The following FER1L6 variants were observed in gnomAD, a reference collection of about 807,000 sequenced individuals.
The protein encoded by FER1L6 is fer-1-like protein 6.
In FER1L6, 177 loss-of-function variants were observed where a neutral mutation model predicts 219.2. The ratio of observed to expected loss-of-function variants is 0.81; its 90% CI spans 0.71 to 0.91. FER1L6 has a LOEUF of 0.91. Among genes scored for constraint, FER1L6 ranks in the 40% least tolerant of loss-of-function variants. The pLI is 0.00. For synonymous variants in FER1L6, 768 were observed against 824.3 expected (o/e 0.93, Z 1.17); for missense variants, 2,153 against 2,259.9 (o/e 0.95, Z 0.96).
At chr8:124,000,816 C>T (rs1344649977) in intron 12 of FER1L6, among the ~76,000 whole-genome samples, 1 of 152,150 alleles carries the variant, frequency 6.6e-6, no homozygotes, top group Non-Finnish European at 1.5e-5. Context: ...TGAAATACAT[C>T]CCTTTTAAGC....
chr8:123,875,200 A>G (rs1056756808), intron 1 of FER1L6, among the ~76,000 whole-genome samples: 1 of 152,178 alleles, frequency 6.6e-6, no homozygotes, highest in Non-Finnish European at 1.5e-5. Flanking sequence ...GTCTAAAAAA[A>G]AACAATCAAA....
At chr8:123,861,174 G>T (rs1008100018) in intron 1 of FER1L6, among the ~76,000 whole-genome samples, 2 of 125,774 alleles carry the variant, frequency 1.6e-5, no homozygotes, top group African/African-American at 6.8e-5. Flanking sequence ...TGTAAGGAAG[G>T]GATCCAGTTT....
Position 124,071,617 on chromosome 8 carries a change from G to C in FER1L6, c.4078G>C (p.Val1360Leu), listed in dbSNP as rs567005829. ...PNHPVTVLIR[V>L]YIVAAFNLSP... ...TCACCCTGTCACAGTGCTGATCAGA[G>C]TATACATTGTCGCGGTGAGCCATTC... Residue 1360 changes from valine (V) to leucine (L), a missense_variant, in exon 31 of 41, where the codon GTA becomes CTA. Coordinates refer to ENST00000522917, the MANE Select transcript of FER1L6 (RefSeq NM_001039112.2). The C allele has an allele frequency of 4.3e-6, 7 of 1,613,588 alleles. No homozygotes were observed. The African/African-American group carries it at 8.0e-5, about 18-fold the overall frequency.
chr8:123,967,081 CAAAAA>C (rs34800682), intron 5 of FER1L6, among the ~76,000 whole-genome samples: 2 of 92,352 alleles, frequency 2.2e-5, no homozygotes, highest in Admixed American at 2.3e-4. Flanking sequence ...GACTCCACCT[CAAAAA>C]AAAAAAAAAA....
chr8:123,913,299 C>T (rs546033466), intron 1 of FER1L6, among the ~76,000 whole-genome samples: 12 of 152,006 alleles, frequency 7.9e-5, no homozygotes, highest in Non-Finnish European at 1.2e-4. Context: ...GAAAAACTTA[C>T]GTAATTATTT....
chr8:123,991,476 G>T (rs1816850548), intron 12 of FER1L6, among the ~76,000 whole-genome samples: 1 of 151,968 alleles, frequency 6.6e-6, no homozygotes. Context: ...TATTGTAAAA[G>T]GGATTGTGTT....
intron 1 of FER1L6, among the ~76,000 whole-genome samples, chr8:123,905,010 C>T (rs1812925423): frequency 6.6e-6 from 1 of 152,160 alleles, no homozygotes; most frequent in African/African-American, 2.4e-5. Flanking sequence ...CCAGCACACC[C>T]CTGAAGACAT....
intron 1 of FER1L6, among the ~76,000 whole-genome samples, chr8:123,934,948 G>A (rs1813925444): frequency 6.6e-6 from 1 of 152,160 alleles, no homozygotes. Flanking sequence ...ATGATTGTAA[G>A]TTTCCTGAGG....
chr8:124,078,805 C>T (rs535170340), intron 32 of FER1L6, among the ~76,000 whole-genome samples: 11 of 151,614 alleles, frequency 7.3e-5, no homozygotes, highest in African/African-American at 2.7e-4. Flanking sequence ...GGTATCAATC[C>T]GGGTTCCACC....
intron 12 of FER1L6, among the ~76,000 whole-genome samples, chr8:123,986,953 A>G (rs1451925691): frequency 2.0e-5 from 3 of 152,164 alleles, no homozygotes; most frequent in African/African-American, 7.2e-5. Flanking sequence ...AATCCTAGCT[A>G]TTGTAAATAG....
chr8:124,088,559 A>C (rs1821881161), intron 33 of FER1L6, among the ~76,000 whole-genome samples: 1 of 151,874 alleles, frequency 6.6e-6, no homozygotes, highest in South Asian at 2.1e-4. Flanking sequence ...CCTTTCGTCA[A>C]GCAGAAGCAA....
In FER1L6 at chr8:123,975,139, T is replaced by C; in HGVS notation, c.527-11T>C. On this transcript the variant is annotated splice_polypyrimidine_tract_variant and intron_variant, in intron 7 of 40. Transcript: ENST00000522917. ...CTGTGAAGGATGTGAGCTGTCAGGG[T>C]GCTTTCACAGGTCATCAGTTCTGCA... 6.3e-7 allele frequency: 1 copy of C among 1,577,716 alleles called. No homozygotes were observed.
intron 39 of FER1L6, among the ~76,000 whole-genome samples, chr8:124,115,120 A>G (rs995715345): frequency 2.0e-4 from 31 of 151,384 alleles, no homozygotes; most frequent in African/African-American, 7.3e-4. Context: ...AGTTTGGCAC[A>G]TTATATATGT....
At position 124,115,341 on chromosome 8, in the gene FER1L6, G is replaced by A. The variant is rs553023217; in HGVS notation, c.5290-3503G>A. Among the ~76,000 whole-genome samples, 16 of 152,104 alleles carry A rather than the reference G, an allele frequency of 1.1e-4. No individual in the cohort carries two copies. In the South Asian group the frequency reaches 2.7e-3, roughly 26 times the overall value. On this transcript the variant is annotated intron_variant, in intron 39 of 40. Coordinates refer to ENST00000522917, the MANE Select transcript of FER1L6 (RefSeq NM_001039112.2). ...AGGACAGGAAACCTCTGTGAAGAAC[G>A]ATACCCAGAGCAGCGGCATTTATCG... is the stretch of plus-strand genomic sequence containing the variant.
intron 1 of FER1L6, among the ~76,000 whole-genome samples, chr8:123,865,222 C>G (rs1440404506): frequency 2.0e-5 from 3 of 149,096 alleles, no homozygotes; most frequent in Admixed American, 2.0e-4. Flanking sequence ...AGCTGCAGGT[C>G]TGTTGGAATA....
intron 18 of FER1L6, among the ~76,000 whole-genome samples, chr8:124,028,982 A>C (rs956755427): frequency 2.8e-4 from 43 of 151,992 alleles, no homozygotes; most frequent in African/African-American, 9.4e-4. Flanking sequence ...GTTCCTGTCC[A>C]TGTGTTCTCA....
intron 35 of FER1L6, among the ~76,000 whole-genome samples, chr8:124,095,616 C>T (rs911378071): frequency 3.3e-5 from 5 of 152,102 alleles, no homozygotes; most frequent in Non-Finnish European, 5.9e-5. Context: ...AAGAGCCTTC[C>T]GTGTACTAGG....
At chr8:124,040,850 C>G (rs1050280990) in intron 20 of FER1L6, 2 of 152,192 alleles carry the variant, frequency 1.3e-5, no homozygotes, top group Non-Finnish European at 2.9e-5. Flanking sequence ...AAGGCAGATC[C>G]TTTATGACCC....
At chr8:123,965,295 A>T (rs953263023) in intron 3 of FER1L6, among the ~76,000 whole-genome samples, 3 of 152,252 alleles carry the variant, frequency 2.0e-5, no homozygotes, top group Admixed American at 6.5e-5. Context: ...AGTCAAATGC[A>T]ACATGGTATT....
Sources: allele counts gnomAD v4.1 joint callset (sites outside exome capture counted in the v4.1 genomes callset), GRCh38; gene constraint gnomAD v4.1.1; transcripts MANE v1.5; gene names NCBI Gene and HGNC (gene_info 2026-07-23, HGNC 2026-07-21).